Variants in ELAPOR1 observed in about 807,000 individuals in gnomAD.
ELAPOR1 encodes endosome/lysosome-associated apoptosis and autophagy regulator 1.
ELAPOR1 carries 77 observed loss-of-function variants against 119.7 expected under a neutral mutation model. The observed-to-expected ratio is 0.64, with a 90% confidence interval of 0.54 to 0.78. The LOEUF (loss-of-function observed/expected upper bound fraction) is 0.78. ELAPOR1 is among the 30% of genes least tolerant of loss of function. ELAPOR1 has a pLI of 0.00. For synonymous variants in ELAPOR1, 481 were observed against 487.2 expected, an observed-to-expected ratio of 0.99 and a Z score of 0.17; for missense variants, 1,115 against 1,270.4, an observed-to-expected ratio of 0.88 and a Z score of 1.86.
chr1:109,192,135 A>C (rs1653477792), intron 13 of ELAPOR1, among the ~76,000 whole-genome samples: 1 of 152,216 alleles, frequency 6.6e-6, no homozygotes, highest in Admixed American at 6.5e-5. Context: ...GTTGTTTTTA[A>C]TAATAACAAC....
chr1:109,205,978 T>C lies in ELAPOR1; in HGVS notation c.*2966T>C, dbSNP rs981735962. On this transcript the variant is annotated 3_prime_UTR_variant, in exon 22 of 22. Transcript: ENST00000369939. Reference sequence around the variant, plus strand: ...AATGGTTTTCAGCAAACTCACAGAGTTGTCCGCCCACTTGAGAGCAAACAC... The same window carrying C: ...AATGGTTTTCAGCAAACTCACAGAGCTGTCCGCCCACTTGAGAGCAAACAC... 1.3e-5 allele frequency: 2 copies of C among 152,142 alleles called. No individual in the cohort carries two copies. Among genetic ancestry groups the C allele is most frequent in the Non-Finnish European group, 2.9e-5 (2 of 68,022 alleles). The allele number at this position is 152,142 out of a possible 1,614,324, so 9.4% of individuals were successfully genotyped here. A position where few individuals can be genotyped will look rare whatever the true frequency, so the allele number is the denominator to read the frequency against.
At chr1:109,180,366 G>T (rs528446513) in intron 7 of ELAPOR1, among the ~76,000 whole-genome samples, 1 of 152,260 alleles carries the variant, frequency 6.6e-6, no homozygotes, top group Non-Finnish European at 1.5e-5. Flanking sequence ...GGACAGCTGG[G>T]CACAGTGGCT....
At chr1:109,192,947 G>C (rs1158520011) in intron 14 of ELAPOR1, 73 bp downstream of exon 14, 3 of 1,538,880 alleles carry the variant, frequency 1.9e-6, no homozygotes, top group Non-Finnish European at 2.6e-6. Context: ...TGGGTCCTGG[G>C]TAGGGTTCTT....
At chr1:109,199,537 G>A (rs1654029357) in intron 18 of ELAPOR1, among the ~76,000 whole-genome samples, 1 of 151,582 alleles carries the variant, frequency 6.6e-6, no homozygotes, top group Non-Finnish European at 1.5e-5. Flanking sequence ...CAAGTCTGTG[G>A]GGAGGACAGG....
At chr1:109,155,515 T>C (rs977124356) in intron 1 of ELAPOR1, among the ~76,000 whole-genome samples, 15 of 152,134 alleles carry the variant, frequency 9.9e-5, no homozygotes, top group African/African-American at 3.6e-4. Flanking sequence ...AGAACAGACA[T>C]ATTCCAAGTT....
At chr1:109,200,357 T>C (rs1373897103) in intron 20 of ELAPOR1, 120 bp downstream of exon 20, 4 of 1,176,302 alleles carry the variant, frequency 3.4e-6, no homozygotes, top group Non-Finnish European at 4.8e-6. Context: ...CTCTGTGACT[T>C]ATCCAGTGCA....
At chr1:109,138,304 C>T (rs552034759) in intron 1 of ELAPOR1, among the ~76,000 whole-genome samples, 13 of 152,266 alleles carry the variant, frequency 8.5e-5, no homozygotes, top group Admixed American at 2.0e-4. Context: ...GCTGAGGGTG[C>T]GTTTTTGTCC....
intron 3 of ELAPOR1, among the ~76,000 whole-genome samples, chr1:109,166,768 G>C (rs528266027): frequency 6.6e-6 from 1 of 152,190 alleles, no homozygotes; most frequent in Non-Finnish European, 1.5e-5. Flanking sequence ...GGGGGGATAT[G>C]AGGATGTGAA....
intron 1 of ELAPOR1, 47 bp from the exon 2 acceptor site, chr1:109,161,847 T>G: frequency 1.3e-6 from 2 of 1,573,628 alleles, no homozygotes; most frequent in Non-Finnish European, 1.7e-6. Context: ...CTGTTAATGT[T>G]TGATCACTGC....
At chr1:109,137,631 G>A (rs1229598157) in intron 1 of ELAPOR1, among the ~76,000 whole-genome samples, 2 of 152,024 alleles carry the variant, frequency 1.3e-5, no homozygotes, top group African/African-American at 2.4e-5. Flanking sequence ...GGGTTCAAGC[G>A]ATTCTCCTGC....
chr1:109,122,608 C>T (rs1013248841), intron 1 of ELAPOR1, among the ~76,000 whole-genome samples: 1 of 151,964 alleles, frequency 6.6e-6, no homozygotes, highest in African/African-American at 2.4e-5. Context: ...TTACAGTGAG[C>T]CGTGATCAAG....
chr1:109,139,449 A>G (rs1649689401), intron 1 of ELAPOR1, among the ~76,000 whole-genome samples: 1 of 152,236 alleles, frequency 6.6e-6, no homozygotes, highest in South Asian at 2.1e-4. Flanking sequence ...AGACATTATA[A>G]CAGTCTTGAC....
At chr1:109,194,721 T>A in intron 15 of ELAPOR1, 127 bp downstream of exon 15, 1 of 760,126 alleles carries the variant, frequency 1.3e-6, no homozygotes. Flanking sequence ...TTCAAAGGTT[T>A]TTACATATTA....
intron 3 of ELAPOR1, among the ~76,000 whole-genome samples, chr1:109,164,969 G>A (rs531466072): frequency 9.3e-4 from 142 of 152,292 alleles, no homozygotes; most frequent in Non-Finnish European, 4.3e-4. Flanking sequence ...GGGGGGCAAG[G>A]GTTAAATGGC....
At chr1:109,115,962 C>T (rs1354293955) in intron 1 of ELAPOR1, among the ~76,000 whole-genome samples, 1 of 152,154 alleles carries the variant, frequency 6.6e-6, no homozygotes, top group East Asian at 1.9e-4. Context: ...CCAAGAAAGC[C>T]CACTTGCCTA....
chr1:109,134,369 A>G (rs775275352), intron 1 of ELAPOR1, among the ~76,000 whole-genome samples: 4 of 152,064 alleles, frequency 2.6e-5, no homozygotes, highest in African/African-American at 4.8e-5. Flanking sequence ...GTGGAGCCCA[A>G]TGGTGAAGCC....
chr1:109,127,372 G>A (rs887146681), intron 1 of ELAPOR1, among the ~76,000 whole-genome samples: 2 of 151,328 alleles, frequency 1.3e-5, no homozygotes, highest in East Asian at 1.9e-4. Flanking sequence ...ACGCCACCAT[G>A]CCTGACTAAT....
intron 15 of ELAPOR1, among the ~76,000 whole-genome samples, chr1:109,196,560 A>G (rs532427227): frequency 5.3e-5 from 8 of 152,120 alleles, no homozygotes; most frequent in African/African-American, 1.9e-4. Context: ...CTGCCACACG[A>G]TAGATCCTTA....
Position 109,200,109 on chromosome 1 carries a change from T to G in ELAPOR1, c.2679T>G (p.Ser893=). Residue 893 remains serine, a synonymous_variant, in exon 20 of 22, where the codon TCT becomes TCG. Transcript: ENST00000369939. The part of the protein sequence containing the change: ...REPKLCSGGI[S]LPEQRVTICK... ...CCAAGCTATGCTCTGGTGGCATTTC[T>G]CTGCCTGAGCAGAGAGTCACCATCT... 6.2e-7 allele frequency: 1 copy of G among 1,614,232 alleles called. No homozygotes were observed. Among genetic ancestry groups the G allele is most frequent in the Non-Finnish European group, 8.5e-7 (1 of 1,180,040 alleles).
Sources: gnomAD v4.1 joint callset for allele counts (sites outside exome capture counted in the v4.1 genomes callset) on GRCh38, gnomAD v4.1.1 for gene constraint, MANE v1.5 for transcripts, NCBI Gene and HGNC (gene_info 2026-07-23, HGNC 2026-07-21) for gene names.